Variants in ERBB4 observed in about 807,000 individuals in gnomAD.
ERBB4 encodes the protein receptor tyrosine-protein kinase erbB-4.
In ERBB4, 42 loss-of-function variants were observed where a neutral mutation model predicts 158.0. The observed-to-expected ratio is 0.27, with a 90% CI of 0.21 to 0.34. The LOEUF (loss-of-function observed/expected upper bound fraction) is 0.34, where lower values mean the gene tolerates loss of function less well. Ranked by LOEUF, ERBB4 falls within the 10% of genes least tolerant of loss-of-function variation. ERBB4 has a pLI of 1.00. For synonymous variants in ERBB4, 583 were observed against 558.7 expected (o/e 1.04, Z -0.61); for missense variants, 1,333 against 1,624.1 (o/e 0.82, Z 3.08).
chr2:211,775,718 G>A (rs990921719), intron 4 of ERBB4, among the ~76,000 whole-genome samples: 9 of 152,274 alleles, frequency 5.9e-5, no homozygotes, highest in African/African-American at 9.6e-5. Context: ...CTGTGTGTAC[G>A]TGCTTCATGG....
At chr2:211,522,220 A>G (rs1170080751) in intron 20 of ERBB4, among the ~76,000 whole-genome samples, 4 of 152,152 alleles carry the variant, frequency 2.6e-5, no homozygotes, top group Admixed American at 1.3e-4. Context: ...TCATGGGAGG[A>G]GGTCAAAAGA....
intron 1 of ERBB4, among the ~76,000 whole-genome samples, chr2:212,516,528 A>G (rs1383965081): frequency 6.6e-6 from 1 of 152,082 alleles, no homozygotes; most frequent in Non-Finnish European, 1.5e-5. Flanking sequence ...TAACTGGAAA[A>G]GATGATCATA....
intron 19 of ERBB4, among the ~76,000 whole-genome samples, chr2:211,613,177 A>G (rs1383313323): frequency 6.6e-6 from 1 of 152,038 alleles, no homozygotes; most frequent in Non-Finnish European, 1.5e-5. Context: ...ATTGAAAAGA[A>G]GTCTAGAACT....
chr2:212,298,041 G>A (rs2086478885), intron 1 of ERBB4, among the ~76,000 whole-genome samples: 1 of 151,774 alleles, frequency 6.6e-6, no homozygotes, highest in Non-Finnish European at 1.5e-5. Flanking sequence ...TGTTTGAAAT[G>A]TAAAATATTG....
At position 212,086,639 on chromosome 2, in the gene ERBB4, GAAT is replaced by G. The variant is rs1416528450; in HGVS notation, c.234+38110_234+38112del. Among the ~76,000 whole-genome samples, 6 of 152,010 alleles carry G rather than the reference GAAT, an allele frequency of 3.9e-5. No individual in the cohort carries two copies. In the East Asian group the frequency reaches 1.2e-3, roughly 29 times the overall value. ...GTGGCTGATATGGAACCAAAAATAA[GAAT>G]AATTTGGGTATATTATCAGGGTCTT... On this transcript the variant is annotated intron_variant, in intron 2 of 27. Coordinates refer to ENST00000342788, the MANE Select transcript of ERBB4 (RefSeq NM_005235.3).
At chr2:211,868,651 C>A (rs1247516871) in intron 3 of ERBB4, among the ~76,000 whole-genome samples, 1 of 152,132 alleles carries the variant, frequency 6.6e-6, no homozygotes, top group Non-Finnish European at 1.5e-5. Flanking sequence ...GTTCTTTGAT[C>A]AAAGGAACCC....
At chr2:212,525,151 G>A (rs946788443) in intron 1 of ERBB4, among the ~76,000 whole-genome samples, 5 of 151,832 alleles carry the variant, frequency 3.3e-5, no homozygotes, top group Admixed American at 6.6e-5. Context: ...AAGGGTTTAC[G>A]GAAATTTGAA....
At chr2:211,681,622 G>T (rs1392421107) in intron 12 of ERBB4, among the ~76,000 whole-genome samples, 1 of 152,102 alleles carries the variant, frequency 6.6e-6, no homozygotes, top group Non-Finnish European at 1.5e-5. Context: ...GATTAAAAAT[G>T]TTGAATATCT....
chr2:211,707,526 T>A (rs548569738), intron 9 of ERBB4, among the ~76,000 whole-genome samples: 1 of 152,282 alleles, frequency 6.6e-6, no homozygotes, highest in East Asian at 1.9e-4. Flanking sequence ...TTCCCTTCCA[T>A]TGTCTAGCAC....
intron 1 of ERBB4, among the ~76,000 whole-genome samples, chr2:212,536,251 T>C (rs1275683181): frequency 1.3e-5 from 2 of 150,544 alleles, no homozygotes. Flanking sequence ...CAGTAACTTG[T>C]TTTTATAATA....
intron 1 of ERBB4, among the ~76,000 whole-genome samples, chr2:212,226,488 T>G (rs2083474234): frequency 1.3e-5 from 2 of 152,120 alleles, no homozygotes; most frequent in Admixed American, 1.3e-4. Context: ...CAATGCTTTA[T>G]CTAAGTCATA....
At chr2:211,655,482 A>G (rs1398702078) in intron 16 of ERBB4, among the ~76,000 whole-genome samples, 1 of 152,194 alleles carries the variant, frequency 6.6e-6, no homozygotes, top group East Asian at 1.9e-4. Context: ...CAGATAATTT[A>G]AGGAACTTAC....
chr2:212,373,815 GTATATATCCATATA>G (rs1176987639), intron 1 of ERBB4, among the ~76,000 whole-genome samples: 1,625 of 75,726 alleles, frequency 0.021, 78 homozygotes, highest in South Asian at 0.03. Flanking sequence ...ATATATCCAT[GTATATATCCATATA>G]TATATATATC....
chr2:212,307,841 C>A (rs561260643), intron 1 of ERBB4, among the ~76,000 whole-genome samples: 1 of 150,972 alleles, frequency 6.6e-6, no homozygotes, highest in Non-Finnish European at 1.5e-5. Context: ...TGCCCCAGAA[C>A]AGGCCACCAC....
chr2:211,588,485 T>C (rs868101731), intron 19 of ERBB4, among the ~76,000 whole-genome samples: 71 of 152,300 alleles, frequency 4.7e-4, no homozygotes, highest in African/African-American at 1.6e-3. Flanking sequence ...TTTTCTTTCT[T>C]TTGGCAGGTA....
chr2:212,072,521 C>A (rs1026926421), intron 2 of ERBB4, among the ~76,000 whole-genome samples: 4 of 151,966 alleles, frequency 2.6e-5, no homozygotes, highest in Non-Finnish European at 5.9e-5. Context: ...GAGGGGACAG[C>A]TCTGGGATGA....
At chr2:211,793,038 C>A (rs1488608839) in intron 3 of ERBB4, among the ~76,000 whole-genome samples, 3 of 151,702 alleles carry the variant, frequency 2.0e-5, no homozygotes, top group Non-Finnish European at 4.4e-5. Flanking sequence ...GATGTAACAT[C>A]CCTGCTGAAA....
At chr2:212,001,664 T>C (rs1156798014) in intron 2 of ERBB4, among the ~76,000 whole-genome samples, 1 of 152,186 alleles carries the variant, frequency 6.6e-6, no homozygotes, top group East Asian at 1.9e-4. Context: ...TTTTGTTTAT[T>C]CTGCTCTGAC....
chr2:211,524,515 C>A (rs1040393711), intron 20 of ERBB4, among the ~76,000 whole-genome samples: 3 of 151,800 alleles, frequency 2.0e-5, no homozygotes, highest in Admixed American at 1.3e-4. Flanking sequence ...GGTCCCGAGC[C>A]CTGCCCCGTG....
Sources: gnomAD v4.1 joint callset for allele counts (sites outside exome capture counted in the v4.1 genomes callset) on GRCh38, gnomAD v4.1.1 for gene constraint, MANE v1.5 for transcripts, NCBI Gene and HGNC (gene_info 2026-07-23, HGNC 2026-07-21) for gene names.